Variants in KCNQ1 observed in about 807,000 individuals in gnomAD.
KCNQ1 encodes the protein potassium voltage-gated channel subfamily Q member 1.
A neutral mutation model predicts 72.4 loss-of-function variants in KCNQ1; 49 were observed. The observed-to-expected ratio is 0.68, with a 90% confidence interval of 0.54 to 0.86. The LOEUF is 0.86. KCNQ1 is among the 40% of genes least tolerant of loss of function. The pLI is 0.00. For missense variants in KCNQ1, 790 were observed against 945.1 expected (o/e 0.84, Z 2.15); for synonymous variants, 450 against 412.6 (o/e 1.09, Z -1.10).
chr11:2,746,597 C>T lies in KCNQ1; in HGVS notation c.1515-22247C>T, dbSNP rs1846141848. ...TTACTAGGATCCGTCTGCTGCTGTC[C>T]TCACGATTCGACTGGGCTGTGGGTG... On this transcript the variant is annotated intron_variant, in intron 11 of 15. Coordinates refer to ENST00000155840, the MANE Select transcript of KCNQ1 (RefSeq NM_000218.3). This position sits in a 1 kb window ranked among gnomAD's most constrained non-coding sequence, Gnocchi z 5.9. 6.6e-6 allele frequency among the ~76,000 whole-genome samples: 1 copy of T among 152,166 alleles called. No individual in the cohort carries two copies. The highest frequency in any genetic ancestry group is 2.4e-5 in the African/African-American group (1 of 41,426).
At chr11:2,789,096 G>A (rs1400665514) in intron 15 of KCNQ1, among the ~76,000 whole-genome samples, 2 of 152,144 alleles carry the variant, frequency 1.3e-5, no homozygotes, top group African/African-American at 4.8e-5. Flanking sequence ...CCTGGAACCA[G>A]GCTCAGCAGG....
rs1007472713 is a variant in KCNQ1 at position 2,657,288 on chromosome 11, A to T, written c.1394-4673A>T. On this transcript the variant is annotated intron_variant, in intron 10 of 15. Transcript: ENST00000155840. This position sits in a 1 kb window ranked among gnomAD's most constrained non-coding sequence, Gnocchi z 4.8. ...GAGATTTTTATTAAGATTTGGAGAGATTTATTCAGATTTTGAGATAATCTT... is the reference window on the plus strand; with the variant it reads ...GAGATTTTTATTAAGATTTGGAGAGTTTTATTCAGATTTTGAGATAATCTT... The T allele has an allele frequency of 2.5e-6, 1 of 398,446 alleles. No individual in the cohort carries two copies. Among genetic ancestry groups the T allele is most frequent in the Non-Finnish European group, 4.4e-6 (1 of 226,064 alleles). 24.7% of individuals were successfully genotyped at this position (398,446 alleles called of 1,614,324 possible). A position where few individuals can be genotyped will look rare whatever the true frequency, so the allele number is the denominator to read the frequency against.
intron 11 of KCNQ1, chr11:2,686,021 C>CT (rs1378765750): frequency 5.0e-6 from 2 of 399,038 alleles, no homozygotes; most frequent in Non-Finnish European, 4.4e-6. Context: ...GGGGCTCACT[C>CT]TAAGCCCCGC....
Position 2,734,501 on chromosome 11 carries a change from G to A in KCNQ1, c.1515-34343G>A, listed in dbSNP as rs1411895009. ...CTTGGTGATGGGCAGAATGTGGGGA[G>A]CAGGGTAGGACGGGCCCCTTGGCTG... is the stretch of plus-strand genomic sequence containing the variant. On this transcript the variant is annotated intron_variant, in intron 11 of 15. Coordinates refer to ENST00000155840, the MANE Select transcript of KCNQ1 (RefSeq NM_000218.3). The surrounding 1 kb of genome is among the most constrained non-coding windows in gnomAD (Gnocchi z 7.0). 6.6e-6 allele frequency among the ~76,000 whole-genome samples: 1 copy of A among 152,218 alleles called. No homozygotes were observed. The highest frequency in any genetic ancestry group is 1.5e-5 in the Non-Finnish European group (1 of 68,036).
At position 2,766,103 on chromosome 11, in the gene KCNQ1, A is replaced by G. The variant is rs1026882431; in HGVS notation, c.1515-2741A>G. ...CCATTATGGTCCTTACTTTTCTGGA[A>G]CTTCCTTTTTATGTATCTATAAATT... On this transcript the variant is annotated intron_variant, in intron 11 of 15. Transcript: ENST00000155840. The surrounding 1 kb of genome is among the most constrained non-coding windows in gnomAD (Gnocchi z 4.4). Among the ~76,000 whole-genome samples, 2 of 152,114 alleles carry G rather than the reference A, an allele frequency of 1.3e-5. No homozygotes were observed. The highest frequency in any genetic ancestry group is 4.8e-5 in the African/African-American group (2 of 41,416).
intron 6 of KCNQ1, among the ~76,000 whole-genome samples, chr11:2,575,845 A>C (rs1373511459): frequency 6.6e-6 from 1 of 152,148 alleles, no homozygotes; most frequent in Non-Finnish European, 1.5e-5. Context: ...AAGTCCGCGA[A>C]CTGCTGGGCC....
chr11:2,487,844 A>G (rs923439421), intron 1 of KCNQ1, among the ~76,000 whole-genome samples: 2 of 151,626 alleles, frequency 1.3e-5, no homozygotes, highest in Non-Finnish European at 2.9e-5. Context: ...TCCATTCTGG[A>G]TGCCTTTTAT....
At position 2,458,739 on chromosome 11, in the gene KCNQ1, C is replaced by T. The variant is rs774973631; in HGVS notation, c.386+13255C>T. Among the ~76,000 whole-genome samples the T allele has an allele frequency of 7.2e-5, 11 of 152,110 alleles. No homozygotes were observed. Among genetic ancestry groups the T allele is most frequent in the Non-Finnish European group, 1.6e-4 (11 of 68,028 alleles). On this transcript the variant is annotated intron_variant, in intron 1 of 15. Coordinates refer to ENST00000155840, the MANE Select transcript of KCNQ1 (RefSeq NM_000218.3). The surrounding 1 kb of genome is among the most constrained non-coding windows in gnomAD (Gnocchi z 4.6). ...TAAGTACAAGTTTACTGGAAATACT[C>T]GGGCCAGAGGAACGCGCTAAATGAT...
Position 2,670,343 on chromosome 11 carries a change from T to TTA in KCNQ1, c.1514+8262_1514+8263insTA. The TTA allele has an allele frequency of 5.0e-6, 2 of 398,552 alleles. No homozygotes were observed. The allele number at this position is 398,552 out of a possible 1,614,324, so 24.7% of individuals were successfully genotyped here. A position where few individuals can be genotyped will look rare whatever the true frequency, so the allele number is the denominator to read the frequency against. On this transcript the variant is annotated intron_variant, in intron 11 of 15. Coordinates refer to ENST00000155840, the MANE Select transcript of KCNQ1 (RefSeq NM_000218.3). This position sits in a 1 kb window ranked among gnomAD's most constrained non-coding sequence, Gnocchi z 4.9. ...ATATGGTAGCAGAGTTCAGACTCAGTGGCTTTCAGATGGTTAGTATAGGCT... is the reference window on the plus strand; with the variant it reads ...ATATGGTAGCAGAGTTCAGACTCAGTTAGGCTTTCAGATGGTTAGTATAGGCT...
At chr11:2,553,784 C>T (rs921622265) in intron 2 of KCNQ1, among the ~76,000 whole-genome samples, 6 of 151,956 alleles carry the variant, frequency 3.9e-5, no homozygotes, top group African/African-American at 7.3e-5. Flanking sequence ...GGCGTGATCT[C>T]GGCTCACTGC....
intron 10 of KCNQ1, chr11:2,629,120 C>T (rs1258344515): frequency 2.5e-6 from 1 of 397,896 alleles, no homozygotes. Context: ...TTGTCTATAT[C>T]TGTGAAAAAA....
chr11:2,751,619 CCT>C (rs1165678127), intron 11 of KCNQ1, among the ~76,000 whole-genome samples: 3 of 152,264 alleles, frequency 2.0e-5, no homozygotes, highest in African/African-American at 7.2e-5. Flanking sequence ...GGGCGGCGAC[CCT>C]CGTCTGACAG....
rs1849261363 is a variant in KCNQ1 at position 2,626,299 on chromosome 11, T to G, written c.1394-35662T>G. The G allele has an allele frequency of 5.0e-6, 2 of 398,576 alleles. No homozygotes were observed. Among genetic ancestry groups the G allele is most frequent in the East Asian group, 3.6e-5 (1 of 28,054 alleles). The allele number at this position is 398,576 out of a possible 1,614,324, so 24.7% of individuals were successfully genotyped here. On this transcript the variant is annotated intron_variant, in intron 10 of 15. Transcript: ENST00000155840. This position sits in a 1 kb window ranked among gnomAD's most constrained non-coding sequence, Gnocchi z 4.0. ...GGTAAGGATCTCAACTTCATTCTCTTGAGTTAATTTTTGTGTATGGTATTA... is the reference window on the plus strand; with the variant it reads ...GGTAAGGATCTCAACTTCATTCTCTGGAGTTAATTTTTGTGTATGGTATTA...
chr11:2,670,473 T>C lies in KCNQ1; in HGVS notation c.1514+8392T>C, dbSNP rs1850163069. 2.5e-6 allele frequency: 1 copy of C among 396,932 alleles called. No homozygotes were observed. Among genetic ancestry groups the C allele is most frequent in the Non-Finnish European group, 4.4e-6 (1 of 225,708 alleles). 24.6% of individuals were successfully genotyped at this position (396,932 alleles called of 1,614,324 possible). A position where few individuals can be genotyped will look rare whatever the true frequency, so the allele number is the denominator to read the frequency against. On this transcript the variant is annotated intron_variant, in intron 11 of 15. Transcript: ENST00000155840. The surrounding 1 kb of genome is among the most constrained non-coding windows in gnomAD (Gnocchi z 4.9). ...ACACACAGCCCACATCCTTGGTAGGTCCCTCAGAGAGCATCTAGTGGGCCT... is the reference window on the plus strand; with the variant it reads ...ACACACAGCCCACATCCTTGGTAGGCCCCTCAGAGAGCATCTAGTGGGCCT...
chr11:2,489,216 G>C (rs911066419), intron 1 of KCNQ1, among the ~76,000 whole-genome samples: 4 of 152,216 alleles, frequency 2.6e-5, no homozygotes, highest in Non-Finnish European at 5.9e-5. Flanking sequence ...TATGTGGCAT[G>C]GAGAGAGAAT....
At chr11:2,519,143 C>A (rs989746325) in intron 1 of KCNQ1, among the ~76,000 whole-genome samples, 4 of 152,182 alleles carry the variant, frequency 2.6e-5, no homozygotes, top group African/African-American at 9.7e-5. Context: ...AAGTGGCGGT[C>A]CCTGAAGGGC....
Position 2,785,458 on chromosome 11 carries a change from C to T in KCNQ1, c.1794+7421C>T, listed in dbSNP as rs576910664. On this transcript the variant is annotated intron_variant, in intron 15 of 15. Transcript: ENST00000155840. The surrounding 1 kb of genome is among the most constrained non-coding windows in gnomAD (Gnocchi z 4.4). ...ATTGAAAGAAAAAAAAAAGAATGTA[C>T]TTTATATTCATAAAGGATACTGGTG... Among the ~76,000 whole-genome samples, 2 of 151,824 alleles carry T rather than the reference C, an allele frequency of 1.3e-5. No individual in the cohort carries two copies. The highest frequency in any genetic ancestry group is 4.1e-4 in the South Asian group (2 of 4,822).
chr11:2,743,055 G>C (rs1431599808), intron 11 of KCNQ1, among the ~76,000 whole-genome samples: 1 of 152,204 alleles, frequency 6.6e-6, no homozygotes, highest in Admixed American at 6.5e-5. Flanking sequence ...TTTTTGGAGA[G>C]CTCCTTGTGA....
At chr11:2,587,442 G>T in intron 8 of KCNQ1, 128 bp from the exon 9 acceptor site, 7 of 1,364,174 alleles carry the variant, frequency 5.1e-6, no homozygotes, top group Middle Eastern at 2.2e-4. Flanking sequence ...TGACTCTGAG[G>T]TCCCAGACCC....
Sources: allele counts gnomAD v4.1 joint callset (sites outside exome capture counted in the v4.1 genomes callset), GRCh38; gene constraint gnomAD v4.1.1; non-coding constraint Gnocchi (gnomAD v3.1); transcripts MANE v1.5; gene names NCBI Gene and HGNC (gene_info 2026-07-23, HGNC 2026-07-21).